Variants in OSBPL9 observed in about 807,000 individuals in gnomAD.
The protein encoded by OSBPL9 is oxysterol binding protein like 9, also known as oxysterol-binding protein-related protein 9.
OSBPL9 carries 40 observed loss-of-function variants against 106.6 expected under a neutral mutation model. The observed-to-expected ratio is 0.38, with a 90% CI of 0.29 to 0.49. The LOEUF (loss-of-function observed/expected upper bound fraction) is 0.49, where lower values mean the gene tolerates loss of function less well. OSBPL9 is among the 20% of genes least tolerant of loss of function. OSBPL9 has a pLI of 0.97. For synonymous variants in OSBPL9, 269 were observed against 295.4 expected (o/e 0.91, Z 0.92); for missense variants, 609 against 887.2 (o/e 0.69, Z 3.98).
chr1:51,761,507 C>T lies in OSBPL9; in HGVS notation c.674-360C>T, dbSNP rs1467277954. On this transcript the variant is annotated intron_variant, in intron 10 of 23. Transcript: ENST00000428468. The stretch of plus-strand genomic sequence containing the variant: ...TCTTAAGTGAATTAGCTTAAACTAC[C>T]TCTTGGGGCTAAAGAGGAACAGGTA... Among the ~76,000 whole-genome samples the T allele has an allele frequency of 7.9e-5, 12 of 151,990 alleles. 1 individual carries two copies. The highest frequency in any genetic ancestry group is 1.5e-5 in the Non-Finnish European group (1 of 67,976).
chr1:51,660,366 T>G (rs942274370), intron 2 of OSBPL9, among the ~76,000 whole-genome samples: 5 of 151,968 alleles, frequency 3.3e-5, no homozygotes, highest in Admixed American at 2.6e-4. Context: ...AAAAGACAAC[T>G]CATGGATAGA....
upstream of OSBPL9, chr1:51,617,085 G>T (rs1466653139): frequency 6.9e-7 from 1 of 1,444,722 alleles, no homozygotes; most frequent in South Asian, 1.2e-5. Flanking sequence ...ACGTCAGGCC[G>T]TTTGTTGTCA....
chr1:51,581,372 G>A (rs949113737), intron 1 of OSBPL9, among the ~76,000 whole-genome samples: 2 of 152,122 alleles, frequency 1.3e-5, no homozygotes, highest in Admixed American at 1.3e-4. Flanking sequence ...TATCACTGAT[G>A]GTGTTAACAC....
At chr1:51,744,902 T>C (rs1667661997) in intron 4 of OSBPL9, among the ~76,000 whole-genome samples, 1 of 152,208 alleles carries the variant, frequency 6.6e-6, no homozygotes, top group Admixed American at 6.5e-5. Flanking sequence ...TCTAAATAAA[T>C]AAACATCTAT....
chr1:51,731,023 A>G (rs1270708508), intron 4 of OSBPL9, among the ~76,000 whole-genome samples: 2 of 151,886 alleles, frequency 1.3e-5, no homozygotes, highest in Non-Finnish European at 2.9e-5. Flanking sequence ...TCATTTATTT[A>G]TACTTTAAAT....
the OSBPL9 span, among the ~76,000 whole-genome samples, chr1:51,525,860 T>C: frequency 6.6e-6 from 1 of 152,044 alleles, no homozygotes; most frequent in African/African-American, 2.4e-5. Context: ...AGCGATCCTC[T>C]TGCCTCAGCC....
At chr1:51,772,423 G>A (rs1674132711) in intron 13 of OSBPL9, among the ~76,000 whole-genome samples, 182 bp from the exon 14 acceptor site, 2 of 152,218 alleles carry the variant, frequency 1.3e-5, no homozygotes, top group Non-Finnish European at 2.9e-5. Flanking sequence ...GCTGATTCAG[G>A]AGAATTGCTT....
chr1:51,772,262 A>G lies in OSBPL9; in HGVS notation c.1051+80A>G. On this transcript the variant is annotated intron_variant, in intron 13 of 23. Transcript: ENST00000428468. ...ATGTGGTGGCTCATGCCGTAATCCC[A>G]GCACTTTGGGAGACCGAGGTGGGCA... 2.5e-6 allele frequency: 3 copies of G among 1,223,872 alleles called. No individual in the cohort carries two copies. In the South Asian group the frequency reaches 4.2e-5, roughly 17 times the overall value. The allele number at this position is 1,223,872 out of a possible 1,614,324, so 75.8% of individuals were successfully genotyped here.
chr1:51,740,029 CT>C, intron 4 of OSBPL9: 1 of 1,310,780 alleles, frequency 7.6e-7, no homozygotes, highest in Non-Finnish European at 1.0e-6. Context: ...CATGTACCTA[CT>C]TTTCCTCTGT....
At chr1:51,645,815 G>A (rs533325721) in intron 1 of OSBPL9, among the ~76,000 whole-genome samples, 27 of 151,996 alleles carry the variant, frequency 1.8e-4, no homozygotes, top group African/African-American at 5.8e-4. Context: ...ATGGCATAGG[G>A]TAGGTATCCA....
At chr1:51,540,145 C>T in the OSBPL9 span, among the ~76,000 whole-genome samples, 1 of 152,154 alleles carries the variant, frequency 6.6e-6, no homozygotes, top group African/African-American at 2.4e-5. Flanking sequence ...GGATCCTTCT[C>T]ATTCTTTAGG....
At chr1:51,741,437 CCT>C (rs755357436) in intron 4 of OSBPL9, among the ~76,000 whole-genome samples, 6 of 147,250 alleles carry the variant, frequency 4.1e-5, no homozygotes, top group Non-Finnish European at 9.0e-5. Context: ...CTTCCTTCTC[CCT>C]CTCTCTCCCT....
chr1:51,662,366 T>C (rs1362706563), intron 2 of OSBPL9, among the ~76,000 whole-genome samples: 2 of 151,742 alleles, frequency 1.3e-5, no homozygotes, highest in East Asian at 3.9e-4. Flanking sequence ...AAATTGAAAA[T>C]TGGCAGGGAT....
chr1:51,729,929 C>A lies in OSBPL9; in HGVS notation c.319-15607C>A. The A allele has an allele frequency of 6.1e-6, 8 of 1,305,292 alleles. No homozygotes were observed. Among genetic ancestry groups the A allele is most frequent in the Non-Finnish European group, 7.9e-6 (8 of 1,018,818 alleles). 80.9% of individuals were successfully genotyped at this position (1,305,292 alleles called of 1,614,324 possible). On this transcript the variant is annotated intron_variant, in intron 4 of 23. Coordinates refer to ENST00000428468, the MANE Select transcript of OSBPL9 (RefSeq NM_024586.6). The surrounding 1 kb of genome is among the most constrained non-coding windows in gnomAD (Gnocchi z 5.1). ...AGAAAAAGGGGTGCTCGGGAGCAGCCCCCGGCTACCTCCCCTGGAGGCACA... is the reference window on the plus strand; with the variant it reads ...AGAAAAAGGGGTGCTCGGGAGCAGCACCCGGCTACCTCCCCTGGAGGCACA...
chr1:51,533,852 T>C, the OSBPL9 span, among the ~76,000 whole-genome samples: 3 of 148,314 alleles, frequency 2.0e-5, no homozygotes, highest in Admixed American at 2.0e-4. Flanking sequence ...TTTCTTTTTT[T>C]TTTTTTTTTT....
intron 3 of OSBPL9, among the ~76,000 whole-genome samples, chr1:51,705,807 A>G (rs1431990164): frequency 6.6e-6 from 1 of 152,124 alleles, no homozygotes; most frequent in Non-Finnish European, 1.5e-5. Flanking sequence ...TTTTTTTCAC[A>G]TATTCAACCA....
chr1:51,759,743 T>A (rs1671102975), intron 9 of OSBPL9: 1 of 152,196 alleles, frequency 6.6e-6, no homozygotes, highest in Non-Finnish European at 1.5e-5. Flanking sequence ...GCTGTCAGAA[T>A]AATTTCTTGA....
intron 15 of OSBPL9, among the ~76,000 whole-genome samples, chr1:51,777,862 C>G (rs1023676455): frequency 2.6e-5 from 4 of 152,118 alleles, no homozygotes; most frequent in Non-Finnish European, 4.4e-5. Flanking sequence ...GCCCCCAGAA[C>G]TATTTACAGG....
chr1:51,594,851 G>C (rs1645292179), intron 1 of OSBPL9: 1 of 152,252 alleles, frequency 6.6e-6, no homozygotes, highest in Admixed American at 6.5e-5. Context: ...TGCCTGCCAG[G>C]CACCGAACTG....
Sources: gnomAD v4.1 joint callset for allele counts (sites outside exome capture counted in the v4.1 genomes callset) on GRCh38, gnomAD v4.1.1 for gene constraint, Gnocchi (gnomAD v3.1) non-coding constraint, MANE v1.5 for transcripts, NCBI Gene and HGNC (gene_info 2026-07-23, HGNC 2026-07-21) for gene names.